The following TMEM254 variants were observed in gnomAD, a reference collection of about 807,000 sequenced individuals.
TMEM254 encodes transmembrane protein 254.
Under a neutral mutation model 13.9 loss-of-function variants are expected in TMEM254, and 16 were observed. The observed-to-expected ratio is 1.15, with a 90% CI of 0.78 to 1.75. TMEM254 has a LOEUF of 1.75. Ranked by LOEUF, TMEM254 falls within the 40% of genes most tolerant of loss-of-function variation. The pLI is 0.00. For synonymous variants in TMEM254, 61 were observed against 56.4 expected (o/e 1.08, Z -0.36); for missense variants, 155 against 149.0 (o/e 1.04, Z -0.21).
At chr10:80,084,598 A>G (rs186279418) in intron 3 of TMEM254, among the ~76,000 whole-genome samples, 12 of 152,260 alleles carry the variant, frequency 7.9e-5, no homozygotes, top group African/African-American at 2.2e-4. Flanking sequence ...GTCAAGCTCT[A>G]CAAATGGTTC....
chr10:80,090,295 T>G, intron 3 of TMEM254: 1 of 699,236 alleles, frequency 1.4e-6, no homozygotes, highest in South Asian at 1.5e-5. Flanking sequence ...TGTGCCAGGC[T>G]CCTTCCTGAG....
chr10:80,087,787 C>G (rs1319859161), intron 3 of TMEM254, among the ~76,000 whole-genome samples: 1 of 152,184 alleles, frequency 6.6e-6, no homozygotes, highest in Non-Finnish European at 1.5e-5. Flanking sequence ...CAATACTCTT[C>G]AAATGGGCTG....
intron 2 of TMEM254, 86 bp downstream of exon 2, chr10:80,082,030 T>C: frequency 1.3e-6 from 2 of 1,560,840 alleles, no homozygotes; most frequent in Admixed American, 3.4e-5. Context: ...CCTTTTGGTA[T>C]CTAAGAGTAG....
At chr10:80,088,102 T>C (rs1844400513) in intron 3 of TMEM254, among the ~76,000 whole-genome samples, 1 of 152,210 alleles carries the variant, frequency 6.6e-6, no homozygotes, top group African/African-American at 2.4e-5. Flanking sequence ...ATCCCAGAGC[T>C]ACTTATTGAG....
chr10:80,078,848 G>A (rs1843787088), intron 1 of TMEM254, 62 bp downstream of exon 1: 3 of 1,547,046 alleles, frequency 1.9e-6, no homozygotes, highest in South Asian at 1.2e-5. Flanking sequence ...TTCACCCCAG[G>A]ACCTGGGCTC....
intron 3 of TMEM254, 73 bp downstream of exon 3, chr10:80,082,277 A>G: frequency 1.3e-6 from 2 of 1,528,460 alleles, no homozygotes; most frequent in African/African-American, 1.4e-5. Context: ...CCACATTTAA[A>G]TAGTTCACAC....
chr10:80,088,253 T>G (rs142710180), intron 3 of TMEM254, among the ~76,000 whole-genome samples: 1 of 152,306 alleles, frequency 6.6e-6, no homozygotes, highest in African/African-American at 2.4e-5. Context: ...AGCAGCTTTA[T>G]AATCATTGTT....
At chr10:80,090,253 A>G in intron 3 of TMEM254, 1 of 608,106 alleles carries the variant, frequency 1.6e-6, no homozygotes, top group Non-Finnish European at 3.0e-6. Flanking sequence ...TTGAATTTGA[A>G]TGACAATATA....
Position 80,078,759 on chromosome 10 carries a change from C to G in TMEM254, c.60C>G (p.Val20=), listed in dbSNP as rs753325020. 1.4e-5 allele frequency: 23 copies of G among 1,608,302 alleles called. No homozygotes were observed. Among genetic ancestry groups the G allele is most frequent in the Non-Finnish European group, 1.9e-5 (22 of 1,177,766 alleles). Residue 20 remains valine (V), a synonymous_variant, in exon 1 of 4, where the codon GTC becomes GTG. Coordinates refer to ENST00000372281, the MANE Select transcript of TMEM254 (RefSeq NM_025125.4). The part of the protein sequence containing the change: ...FQRGSLFWFT[V]ITLSFGYYTW... The stretch of plus-strand genomic sequence containing the variant: ...GAGGCAGTCTGTTCTGGTTCACAGT[C>G]ATCACCCTCAGCTTTGGCTACTACA...
At chr10:80,086,424 T>C (rs1278818628) in intron 3 of TMEM254, 1 of 395,002 alleles carries the variant, frequency 2.5e-6, no homozygotes, top group Non-Finnish European at 4.6e-6. Context: ...CTAAATATCA[T>C]ACACATTTAC....
intron 3 of TMEM254, chr10:80,090,496 A>T: frequency 1.4e-6 from 1 of 713,988 alleles, no homozygotes; most frequent in Non-Finnish European, 2.6e-6. Flanking sequence ...AAACCATACC[A>T]GTGCTTTTTA....
At chr10:80,080,304 G>A (rs1178756008) in intron 1 of TMEM254, among the ~76,000 whole-genome samples, 1 of 152,194 alleles carries the variant, frequency 6.6e-6, no homozygotes, top group Non-Finnish European at 1.5e-5. Context: ...TCTTGACAAA[G>A]ATTTGAATGG....
rs1415793807 is a variant in TMEM254 at position 80,091,675 on chromosome 10, A to T, written c.*758A>T. The T allele has an allele frequency of 6.6e-6, 1 of 152,314 alleles. No homozygotes were observed. The highest frequency in any genetic ancestry group is 1.5e-5 in the Non-Finnish European group (1 of 68,102). 9.4% of individuals were successfully genotyped at this position (152,314 alleles called of 1,614,324 possible). On this transcript the variant is annotated 3_prime_UTR_variant, in exon 4 of 4. Coordinates refer to ENST00000372281, the MANE Select transcript of TMEM254 (RefSeq NM_025125.4). ...CTCCTTCAGCTCAGGGCCACAGCTT[A>T]AACAGCTTTACCTTTCCCCTCAGCA...
chr10:80,089,083 AATTT>A (rs968647745), intron 3 of TMEM254, among the ~76,000 whole-genome samples: 3 of 152,090 alleles, frequency 2.0e-5, no homozygotes, highest in South Asian at 2.1e-4. Context: ...TTGCTAAATA[AATTT>A]ATTAATTGTA....
intron 3 of TMEM254, among the ~76,000 whole-genome samples, chr10:80,083,467 C>A (rs1019261226): frequency 6.6e-6 from 1 of 152,192 alleles, no homozygotes; most frequent in African/African-American, 2.4e-5. Flanking sequence ...TCTCACCCCT[C>A]TCCAAGTAAA....
At chr10:80,079,262 CG>C (rs1788323465) in intron 1 of TMEM254, 1 of 1,229,488 alleles carries the variant, frequency 8.1e-7, no homozygotes, top group Non-Finnish European at 1.0e-6. Flanking sequence ...GCTCTGGGAA[CG>C]GGGCCTGTGC....
intron 3 of TMEM254, among the ~76,000 whole-genome samples, chr10:80,085,799 T>A (rs907298926): frequency 1.3e-5 from 2 of 152,230 alleles, no homozygotes; most frequent in Non-Finnish European, 2.9e-5. Context: ...TAAAATAGTA[T>A]CTCTTTGAGG....
At position 80,082,170 on chromosome 10, in the gene TMEM254, G is replaced by A; in HGVS notation, c.217G>A (p.Val73Met). The A allele has an allele frequency of 6.2e-7, 1 of 1,614,190 alleles. No individual in the cohort carries two copies. The highest frequency in any genetic ancestry group is 8.5e-7 in the Non-Finnish European group (1 of 1,180,038). The change falls in exon 3 of 4, where the codon GTG (valine) becomes ATG (methionine). Residue 73 changes from valine to methionine, a missense_variant. Coordinates refer to ENST00000372281, the MANE Select transcript of TMEM254 (RefSeq NM_025125.4). ...NGYWLAWLIH[V>M]GESLYAIVLC... ...GTATTGGCTTGCCTGGCTGATTCAT[G>A]TGGGAGAGTCCTTGTATGCCATAGT...
In TMEM254 at chr10:80,082,207, A is replaced by G; in HGVS notation, c.251+3A>G. ...TTGTATGCCATAGTATTGTGCAAGT[A>G]AGTCTTTGAAGTAGGTGTTTGTTGC... On this transcript the variant is annotated splice_donor_region_variant and intron_variant, in intron 3 of 3. Coordinates refer to ENST00000372281, the MANE Select transcript of TMEM254 (RefSeq NM_025125.4). 14 of 1,614,038 alleles carry G rather than the reference A, an allele frequency of 8.7e-6. No homozygotes were observed. Among genetic ancestry groups the G allele is most frequent in the Non-Finnish European group, 1.2e-5 (14 of 1,180,016 alleles).
Sources: gnomAD v4.1 joint callset for allele counts (sites outside exome capture counted in the v4.1 genomes callset) on GRCh38, gnomAD v4.1.1 for gene constraint, MANE v1.5 for transcripts, NCBI Gene and HGNC (gene_info 2026-07-23, HGNC 2026-07-21) for gene names.